The following DNAH2 variants were observed in gnomAD, a reference collection of about 807,000 sequenced individuals.
The protein encoded by DNAH2 is dynein axonemal heavy chain 2, also known as axonemal beta dynein heavy chain 2.
In DNAH2, 323 loss-of-function variants were observed where a neutral mutation model predicts 523.5. The ratio of observed to expected loss-of-function variants is 0.62; its 90% confidence interval spans 0.56 to 0.68. The LOEUF is 0.68. DNAH2 is among the 30% of genes least tolerant of loss of function. DNAH2 has a pLI of 0.00. For synonymous variants in DNAH2, 2,093 were observed against 2,177.4 expected, an observed-to-expected ratio of 0.96 and a Z score of 1.08; for missense variants, 4,907 against 5,701.5, an observed-to-expected ratio of 0.86 and a Z score of 4.49.
Position 7,832,443 on chromosome 17 carries a change from A to G in DNAH2, c.12727-136A>G. Reference sequence around the variant, plus strand: ...GAGAATAGCTTAACTTGGGAGGTGGAGGTTGCAGTGAGCCAAGATCGTACC... The same window carrying G: ...GAGAATAGCTTAACTTGGGAGGTGGGGGTTGCAGTGAGCCAAGATCGTACC... On this transcript the variant is annotated intron_variant, in intron 82 of 85. Transcript: ENST00000572933. This position sits in a 1 kb window ranked among gnomAD's most constrained non-coding sequence, Gnocchi z 4.3. 9.9e-7 allele frequency: 1 copy of G among 1,008,442 alleles called. No individual in the cohort carries two copies. The highest frequency in any genetic ancestry group is 1.5e-6 in the Non-Finnish European group (1 of 685,464). 62.5% of individuals were successfully genotyped at this position (1,008,442 alleles called of 1,614,324 possible). A position where few individuals can be genotyped will look rare whatever the true frequency, so the allele number is the denominator to read the frequency against.
rs185020619 is a variant in DNAH2, at chr17:7,720,887, G to A, written c.166+987G>A. On this transcript the variant is annotated intron_variant, in intron 2 of 85. Transcript: ENST00000572933. The stretch of plus-strand genomic sequence containing the variant: ...GGAAGATGGGAGGGAAGACAGTGAG[G>A]TTCAGTATGGAGAATCCTCTGGGGA... 9.6e-4 allele frequency among the ~76,000 whole-genome samples: 146 copies of A among 152,114 alleles called. 1 individual carries two copies. Among genetic ancestry groups the A allele is most frequent in the Middle Eastern group, 3.4e-3 (1 of 294 alleles).
In DNAH2 at chr17:7,770,414, A is replaced by T. The variant is rs770748789; in HGVS notation, c.4098+6A>T. The T allele has an allele frequency of 6.2e-7, 1 of 1,611,906 alleles. No homozygotes were observed. The highest frequency in any genetic ancestry group is 8.5e-7 in the Non-Finnish European group (1 of 1,178,850). On this transcript the variant is annotated splice_donor_region_variant and intron_variant, in intron 25 of 85. Coordinates refer to ENST00000572933, the MANE Select transcript of DNAH2 (RefSeq NM_020877.5). The stretch of plus-strand genomic sequence containing the variant: ...AAGAGCTGGCTATAGAAGTGGTACG[A>T]CAGTCCCCTCCCATGCTCCCACACC...
intron 38 of DNAH2, 37 bp from the exon 39 acceptor site, chr17:7,781,005 C>A (rs1162247753): frequency 6.2e-7 from 1 of 1,613,254 alleles, no homozygotes; most frequent in East Asian, 2.2e-5. Flanking sequence ...CTAGGCCCTG[C>A]CTCCTCAAGC....
At position 7,759,953 on chromosome 17, in the gene DNAH2, G is replaced by C. The variant is rs772358466; in HGVS notation, c.2785+15G>C. 4.3e-6 allele frequency: 7 copies of C among 1,614,196 alleles called. No individual in the cohort carries two copies. The South Asian group carries it at 6.6e-5, about 15-fold the overall frequency. ...AACAGTTGTGGGTGAGTGGGCAACG[G>C]GGAGGGCACAAGGCACAGGGTTTCA... On this transcript the variant is annotated intron_variant, in intron 17 of 85. Transcript: ENST00000572933.
chr17:7,763,969 C>T lies in DNAH2; in HGVS notation c.3117C>T (p.Leu1039=). 1 of 1,614,228 alleles carries T rather than the reference C, an allele frequency of 6.2e-7. No individual in the cohort carries two copies. Among genetic ancestry groups the T allele is most frequent in the African/African-American group, 1.3e-5 (1 of 75,056 alleles). Reference sequence around the variant, plus strand: ...GGCAGAACAAGTTCGCGACTCTGCTCAGGGAGATGGCTGCTGGGCGCCTCC... The same window carrying T: ...GGCAGAACAAGTTCGCGACTCTGCTTAGGGAGATGGCTGCTGGGCGCCTCC... ...NEWQNKFATL[L]REMAAGRLLE... Residue 1039 remains leucine (L), a synonymous_variant, in exon 19 of 86, where the codon CTC becomes CTT. Coordinates refer to ENST00000572933, the MANE Select transcript of DNAH2 (RefSeq NM_020877.5).
intron 12 of DNAH2, among the ~76,000 whole-genome samples, chr17:7,756,108 T>C (rs2151188679): frequency 1.3e-5 from 2 of 151,550 alleles, no homozygotes; most frequent in Middle Eastern, 3.4e-3. Context: ...GGTGTGGTGG[T>C]GGGCACCTAT....
chr17:7,818,735 T>C lies in DNAH2; in HGVS notation c.10629T>C (p.Ala3543=), dbSNP rs2077759560. ...QKDSLVINIA[A]GKRKLKELED... is the part of the protein sequence containing the mutation. ...ACTCACTGGTCATCAACATCGCGGC[T>C]GGTAAAAGGAAGCTCAAGGAGCTGG... Residue 3543 remains alanine (A), a synonymous_variant, in exon 70 of 86, where the codon GCT becomes GCC. Transcript: ENST00000572933. 6.2e-7 allele frequency: 1 copy of C among 1,613,852 alleles called. No homozygotes were observed. Among genetic ancestry groups the C allele is most frequent in the Non-Finnish European group, 8.5e-7 (1 of 1,179,972 alleles).
At chr17:7,805,220 T>G in intron 60 of DNAH2, 32 bp from the exon 61 acceptor site, 2 of 1,613,184 alleles carry the variant, frequency 1.2e-6, no homozygotes, top group Non-Finnish European at 1.7e-6. Flanking sequence ...GAAGGTCCTG[T>G]CTTACCCTCA....
rs776555373 is a variant in DNAH2, at chr17:7,788,008, A to C, written c.6741+11A>C. ...GAGAAGAGGCCAAAGGTATGAAGGG[A>C]ACTGAGGAGAGGGAAAGTAACCAGG... On this transcript the variant is annotated intron_variant, in intron 43 of 85. Transcript: ENST00000572933. 1.1e-5 allele frequency: 17 copies of C among 1,613,830 alleles called. No homozygotes were observed. Among genetic ancestry groups the C allele is most frequent in the Non-Finnish European group, 1.4e-5 (17 of 1,179,886 alleles).
At chr17:7,748,877 G>A (rs576337180) in intron 12 of DNAH2, among the ~76,000 whole-genome samples, 2 of 151,078 alleles carry the variant, frequency 1.3e-5, no homozygotes, top group Admixed American at 1.3e-4. Flanking sequence ...GAAATTTCTT[G>A]ACAAACTTCA....
chr17:7,719,593 G>A (rs185254587), intron 1 of DNAH2, 128 bp from the exon 2 acceptor site: 13 of 1,198,454 alleles, frequency 1.1e-5, no homozygotes, highest in African/African-American at 1.5e-5. Context: ...CAGGGTGTGG[G>A]TACCACCAGA....
rs901718617 is a variant in DNAH2, at chr17:7,793,278, G to A, written c.7569+73G>A. 4.2e-5 allele frequency: 63 copies of A among 1,506,908 alleles called. No homozygotes were observed. The African/African-American group carries it at 7.7e-4, about 18-fold the overall frequency. The allele number at this position is 1,506,908 out of a possible 1,614,324, so 93.3% of individuals were successfully genotyped here. A position where few individuals can be genotyped will look rare whatever the true frequency, so the allele number is the denominator to read the frequency against. Reference sequence around the variant, plus strand: ...TAGGCTCAGTCCCCACTCCACTGGGGCCCCAGGCTATGGTCCTGTCATCTT... The same window carrying A: ...TAGGCTCAGTCCCCACTCCACTGGGACCCCAGGCTATGGTCCTGTCATCTT... On this transcript the variant is annotated intron_variant, in intron 48 of 85. Coordinates refer to ENST00000572933, the MANE Select transcript of DNAH2 (RefSeq NM_020877.5).
At chr17:7,765,709 AAGG>A (rs1241965716) in intron 21 of DNAH2, 144 bp downstream of exon 21, 2 of 852,510 alleles carry the variant, frequency 2.3e-6, no homozygotes, top group Non-Finnish European at 3.6e-6. Flanking sequence ...CTCAGGAGCA[AAGG>A]AGGAGGACAC....
At position 7,760,027 on chromosome 17, in the gene DNAH2, A is replaced by G. The variant is rs557535324; in HGVS notation, c.2785+89A>G. 8.8e-6 allele frequency: 14 copies of G among 1,584,344 alleles called. No individual in the cohort carries two copies. Among genetic ancestry groups the G allele is most frequent in the Non-Finnish European group, 1.0e-5 (12 of 1,158,728 alleles). ...AGGAGGAGAGACCAGGGCTATTTCCAGGCATACTGGGCCAGTCACCTCCCT... is the reference window on the plus strand; with the variant it reads ...AGGAGGAGAGACCAGGGCTATTTCCGGGCATACTGGGCCAGTCACCTCCCT... On this transcript the variant is annotated intron_variant, in intron 17 of 85. Transcript: ENST00000572933. The surrounding 1 kb of genome is among the most constrained non-coding windows in gnomAD (Gnocchi z 4.0).
rs765632084 is a variant in DNAH2 at position 7,817,961 on chromosome 17, G to A, written c.10252G>A (p.Asp3418Asn). ...TGCTCTCTAGGGCCTGAAGATCATCGACCTGCAGATGAGCGATTACCTGCG... is the reference window on the plus strand; with the variant it reads ...TGCTCTCTAGGGCCTGAAGATCATCAACCTGCAGATGAGCGATTACCTGCG... Reference protein sequence around the residue: ...MEGGQGLKIIDLQMSDYLRIL... With the variant: ...MEGGQGLKIINLQMSDYLRIL... The change falls in exon 68 of 86, where the codon GAC becomes AAC. Residue 3418 changes from aspartate (D) to asparagine (N), a missense_variant. Asp to Asn is a conservative substitution (Grantham distance 23). This residue lies in a region of DNAH2 where 1,851 missense variants were observed against 2,139.4 expected (regional missense o/e 0.87). Transcript: ENST00000572933. 25 of 1,613,672 alleles carry A rather than the reference G, an allele frequency of 1.5e-5. No homozygotes were observed. In the East Asian group the frequency reaches 1.6e-4, roughly 10 times the overall value.
In DNAH2 at chr17:7,804,480, G is replaced by A. The variant is rs996522216; in HGVS notation, c.9183+14G>A. 4 of 1,611,260 alleles carry A rather than the reference G, an allele frequency of 2.5e-6. No homozygotes were observed. In the Admixed American group the frequency reaches 5.0e-5, roughly 20 times the overall value. ...GAGCAGCAGAAGGTCCAGGGCCCAC[G>A]CCCACCCCCCGTGCCCCACTCCCAC... is the stretch of plus-strand genomic sequence containing the variant. On this transcript the variant is annotated intron_variant, in intron 59 of 85. Transcript: ENST00000572933.
intron 5 of DNAH2, among the ~76,000 whole-genome samples, 154 bp from the exon 6 acceptor site, chr17:7,734,029 T>C (rs1405341812): frequency 6.6e-6 from 1 of 152,216 alleles, no homozygotes; most frequent in East Asian, 1.9e-4. Flanking sequence ...TGGTCATTTC[T>C]TGATATCAAA....
rs761149172 is a variant in DNAH2 at position 7,798,753 on chromosome 17, C to A, written c.8559+35C>A. On this transcript the variant is annotated intron_variant, in intron 55 of 85. Coordinates refer to ENST00000572933, the MANE Select transcript of DNAH2 (RefSeq NM_020877.5). The surrounding 1 kb of genome is among the most constrained non-coding windows in gnomAD (Gnocchi z 5.5). ...CTTCCACACCCTTGACCAGTCAGTTCTTTGGCCTGCCTAGCTGACCCCAGA... is the reference window on the plus strand; with the variant it reads ...CTTCCACACCCTTGACCAGTCAGTTATTTGGCCTGCCTAGCTGACCCCAGA... 3.1e-6 allele frequency: 5 copies of A among 1,594,588 alleles called. No individual in the cohort carries two copies. The East Asian group carries it at 9.0e-5, about 29-fold the overall frequency.
rs1379486278 is a variant in DNAH2, at chr17:7,824,308, G to A, written c.11662+4G>A. The A allele has an allele frequency of 2.6e-6, 4 of 1,511,924 alleles. No individual in the cohort carries two copies. Among genetic ancestry groups the A allele is most frequent in the Admixed American group, 4.6e-5 (2 of 43,194 alleles). 93.7% of individuals were successfully genotyped at this position (1,511,924 alleles called of 1,614,324 possible). A position where few individuals can be genotyped will look rare whatever the true frequency, so the allele number is the denominator to read the frequency against. ...CTCCGAGAGGGTGTGACTCAGGGTTGGTGTCCATCCTTTCTTCCACCCCCA... is the reference window on the plus strand; with the variant it reads ...CTCCGAGAGGGTGTGACTCAGGGTTAGTGTCCATCCTTTCTTCCACCCCCA... On this transcript the variant is annotated splice_donor_region_variant and intron_variant, in intron 76 of 85. Coordinates refer to ENST00000572933, the MANE Select transcript of DNAH2 (RefSeq NM_020877.5).
Sources: allele counts gnomAD v4.1 joint callset (sites outside exome capture counted in the v4.1 genomes callset), GRCh38; gene constraint gnomAD v4.1.1; regional missense constraint gnomAD v4.1.1; non-coding constraint Gnocchi (gnomAD v3.1); transcripts MANE v1.5; gene names NCBI Gene and HGNC (gene_info 2026-07-23, HGNC 2026-07-21).